Variants in PXDNL observed in about 807,000 individuals in gnomAD.
The protein encoded by PXDNL is peroxidasin like, also known as probable oxidoreductase PXDNL.
Under a neutral mutation model 150.8 loss-of-function variants are expected in PXDNL, and 145 were observed. The observed-to-expected ratio is 0.96, with a 90% CI of 0.84 to 1.10. The LOEUF is 1.10. Among genes scored for constraint, PXDNL ranks in the 50% least tolerant of loss-of-function variants. The probability of loss-of-function intolerance (pLI) is 0.00; values close to 1 mark genes in which losing one functional copy is unlikely to be tolerated. For missense variants in PXDNL, 2,087 were observed against 1,873.9 expected, an observed-to-expected ratio of 1.11 and a Z score of -2.10; for synonymous variants, 757 against 725.7, an observed-to-expected ratio of 1.04 and a Z score of -0.69.
chr8:51,796,148 T>C (rs1347192271), intron 1 of PXDNL, among the ~76,000 whole-genome samples: 7 of 152,110 alleles, frequency 4.6e-5, no homozygotes, highest in Admixed American at 4.6e-4. Flanking sequence ...CCCACCAGCC[T>C]GAATGAACCC....
At chr8:51,670,792 C>T (rs1044170381) in intron 1 of PXDNL, among the ~76,000 whole-genome samples, 1 of 152,052 alleles carries the variant, frequency 6.6e-6, no homozygotes, top group Non-Finnish European at 1.5e-5. Context: ...CTAATGTGTC[C>T]CCCAGTGAGG....
chr8:51,597,903 G>A (rs866295625), intron 2 of PXDNL, among the ~76,000 whole-genome samples: 2 of 151,872 alleles, frequency 1.3e-5, no homozygotes, highest in African/African-American at 2.4e-5. Flanking sequence ...TAGCAGAGAA[G>A]GGATTTCTCC....
At chr8:51,590,899 T>C (rs140442178) in intron 3 of PXDNL, among the ~76,000 whole-genome samples, 3 of 152,288 alleles carry the variant, frequency 2.0e-5, no homozygotes, top group African/African-American at 7.2e-5. Context: ...TGTATTTTTG[T>C]ATATAAGAAG....
intron 19 of PXDNL, among the ~76,000 whole-genome samples, chr8:51,354,520 T>C (rs549209531): frequency 1.3e-5 from 2 of 152,214 alleles, no homozygotes; most frequent in African/African-American, 2.4e-5. Flanking sequence ...TGTAATTCAT[T>C]AGCATAAGAT....
intron 17 of PXDNL, among the ~76,000 whole-genome samples, chr8:51,387,983 G>C (rs938486746): frequency 6.6e-6 from 1 of 152,070 alleles, no homozygotes; most frequent in Non-Finnish European, 1.5e-5. Flanking sequence ...TGTAAAAAAT[G>C]ACTTCAGGGT....
At chr8:51,594,397 T>C (rs1029964305) in intron 2 of PXDNL, among the ~76,000 whole-genome samples, 1 of 152,210 alleles carries the variant, frequency 6.6e-6, no homozygotes, top group Admixed American at 6.5e-5. Context: ...TGGGCATTAG[T>C]GTTAATTATC....
intron 1 of PXDNL, among the ~76,000 whole-genome samples, chr8:51,796,694 CAA>C (rs796918697): frequency 6.6e-6 from 1 of 151,672 alleles, no homozygotes; most frequent in African/African-American, 2.4e-5. Context: ...AGCTTATCAA[CAA>C]AAAAAAGCCC....
At chr8:51,563,006 A>G (rs551244674) in intron 3 of PXDNL, among the ~76,000 whole-genome samples, 1 of 152,058 alleles carries the variant, frequency 6.6e-6, no homozygotes, top group African/African-American at 2.4e-5. Flanking sequence ...CAAGAAAGAA[A>G]TAGAGTAGCC....
chr8:51,445,108 C>G (rs1398479271), intron 12 of PXDNL, among the ~76,000 whole-genome samples: 1 of 152,022 alleles, frequency 6.6e-6, no homozygotes, highest in Non-Finnish European at 1.5e-5. Flanking sequence ...TTAGTAGAGA[C>G]AGGGTTTCAC....
intron 1 of PXDNL, among the ~76,000 whole-genome samples, chr8:51,783,321 C>T (rs1328491449): frequency 6.6e-6 from 1 of 152,252 alleles, no homozygotes; most frequent in African/African-American, 2.4e-5. Context: ...CTACTGGACA[C>T]TGCAGAAAAC....
chr8:51,491,959 A>G (rs1300882082), intron 5 of PXDNL, among the ~76,000 whole-genome samples: 1 of 152,188 alleles, frequency 6.6e-6, no homozygotes, highest in Non-Finnish European at 1.5e-5. Context: ...AGTATAACAC[A>G]CTTTCCTACC....
At chr8:51,463,426 G>C (rs765902233) in intron 8 of PXDNL, among the ~76,000 whole-genome samples, 6 of 152,226 alleles carry the variant, frequency 3.9e-5, no homozygotes, top group South Asian at 4.1e-4. Flanking sequence ...TAAAAGGATG[G>C]AGAAAGATTT....
chr8:51,423,660 T>G lies in PXDNL; in HGVS notation c.1710A>C (p.Ala570=). Residue 570 remains alanine (A), a synonymous_variant, in exon 14 of 23, where the codon GCA becomes GCC. Transcript: ENST00000356297. ...DDEGTLTIYD[A]GFPDQGRYEC... ...CATATCTTCCCTGGTCAGGGAACCC[T>G]GCGTCGTAGATAGTCAGCGTGCCTT... 6.2e-7 allele frequency: 1 copy of G among 1,613,716 alleles called. No homozygotes were observed. Among genetic ancestry groups the G allele is most frequent in the Non-Finnish European group, 8.5e-7 (1 of 1,179,654 alleles).
rs547391200 is a variant in PXDNL, at chr8:51,432,419, A to C, written c.1526-5661T>G. ...GTTATTCCATATGCCTTCCAGAATC[A>C]TCCTTTCAGTTTCCATCAAGAACTC... On this transcript the variant is annotated intron_variant, in intron 12 of 22. Coordinates refer to ENST00000356297, the MANE Select transcript of PXDNL (RefSeq NM_144651.5). Among the ~76,000 whole-genome samples, 24 of 152,318 alleles carry C rather than the reference A, an allele frequency of 1.6e-4. No homozygotes were observed. In the South Asian group the frequency reaches 4.8e-3, roughly 30 times the overall value.
chr8:51,595,156 T>A (rs1813537120), intron 2 of PXDNL, among the ~76,000 whole-genome samples: 1 of 152,016 alleles, frequency 6.6e-6, no homozygotes, highest in East Asian at 1.9e-4. Flanking sequence ...ACTTTTGGGG[T>A]AAAAGAGGAA....
At chr8:51,437,839 C>T (rs1049971039) in intron 12 of PXDNL, among the ~76,000 whole-genome samples, 9 of 152,192 alleles carry the variant, frequency 5.9e-5, no homozygotes, top group African/African-American at 2.2e-4. Flanking sequence ...GAAATAAGGG[C>T]CATCCAAATG....
intron 14 of PXDNL, among the ~76,000 whole-genome samples, chr8:51,423,086 A>G (rs1462827804): frequency 2.6e-5 from 4 of 152,254 alleles, no homozygotes; most frequent in Non-Finnish European, 2.9e-5. Flanking sequence ...GTAAAAAGCT[A>G]TGTCAATTAT....
At chr8:51,352,991 T>C (rs1806399462) in intron 19 of PXDNL, among the ~76,000 whole-genome samples, 1 of 152,130 alleles carries the variant, frequency 6.6e-6, no homozygotes, top group African/African-American at 2.4e-5. Flanking sequence ...AGATTACCTA[T>C]TGAGTACAAT....
At chr8:51,474,733 G>A (rs76208452) in intron 7 of PXDNL, among the ~76,000 whole-genome samples, 4,404 of 152,176 alleles carry the variant, frequency 0.029, 92 homozygotes, top group Non-Finnish European at 0.045. Flanking sequence ...CTGAAATTAC[G>A]GAAATTAGAT....
Sources: gnomAD v4.1 joint callset for allele counts (sites outside exome capture counted in the v4.1 genomes callset) on GRCh38, gnomAD v4.1.1 for gene constraint, MANE v1.5 for transcripts, NCBI Gene and HGNC (gene_info 2026-07-23, HGNC 2026-07-21) for gene names.